Variants in PPARGC1A observed in about 807,000 individuals in gnomAD.
PPARGC1A encodes PPARG coactivator 1 alpha.
PPARGC1A carries 25 observed loss-of-function variants against 88.7 expected under a neutral mutation model. The ratio of observed to expected loss-of-function variants is 0.28; its 90% CI spans 0.21 to 0.39. The LOEUF is 0.39. Ranked by LOEUF, PPARGC1A falls within the 10% of genes least tolerant of loss-of-function variation. The pLI is 1.00. For synonymous variants in PPARGC1A, 363 were observed against 355.6 expected, an observed-to-expected ratio of 1.02 and a Z score of -0.24; for missense variants, 880 against 968.7, an observed-to-expected ratio of 0.91 and a Z score of 1.22.
the PPARGC1A span, among the ~76,000 whole-genome samples, chr4:24,027,857 T>C: frequency 1.3e-5 from 2 of 152,204 alleles, no homozygotes; most frequent in African/African-American, 2.4e-5. Context: ...CCACCCTTTT[T>C]CCACCTTGCA....
chr4:24,402,521 C>A, the PPARGC1A span, among the ~76,000 whole-genome samples: 3 of 152,108 alleles, frequency 2.0e-5, no homozygotes, highest in Non-Finnish European at 2.9e-5. Flanking sequence ...AGATGAGGAA[C>A]CTGAGAATTA....
chr4:23,848,412 C>G (rs894142839), intron 2 of PPARGC1A, among the ~76,000 whole-genome samples: 2 of 152,118 alleles, frequency 1.3e-5, no homozygotes, highest in African/African-American at 4.8e-5. Context: ...TAACCCTCTC[C>G]CAGAGTCCTC....
At chr4:24,186,828 AAAAAAATT>A in the PPARGC1A span, among the ~76,000 whole-genome samples, 3 of 152,098 alleles carry the variant, frequency 2.0e-5, no homozygotes, top group African/African-American at 7.2e-5. Flanking sequence ...AAATGAAAAT[AAAAAAATT>A]AAAAAATTAA....
the PPARGC1A span, among the ~76,000 whole-genome samples, chr4:23,951,071 G>A: frequency 9.9e-5 from 15 of 152,038 alleles, 1 homozygote; most frequent in Admixed American, 2.0e-4. Flanking sequence ...TTTGCTACAT[G>A]CCAGAGCCTG....
chr4:23,931,427 G>T, the PPARGC1A span, among the ~76,000 whole-genome samples: 1 of 151,758 alleles, frequency 6.6e-6, no homozygotes, highest in Non-Finnish European at 1.5e-5. Context: ...CTGTATCCCC[G>T]CCCTGACTTT....
chr4:23,829,647 A>G (rs1364522627), intron 3 of PPARGC1A, 62 bp from the exon 4 acceptor site: 5 of 1,478,638 alleles, frequency 3.4e-6, no homozygotes, highest in Non-Finnish European at 4.6e-6. Flanking sequence ...AAGCATTGGA[A>G]TAAGTTATTG....
chr4:23,994,492 G>A, the PPARGC1A span, among the ~76,000 whole-genome samples: 1 of 152,130 alleles, frequency 6.6e-6, no homozygotes, highest in Non-Finnish European at 1.5e-5. Context: ...TGCATATTGG[G>A]CAGAGAAGGG....
At chr4:24,213,769 G>T in the PPARGC1A span, among the ~76,000 whole-genome samples, 430 of 152,322 alleles carry the variant, frequency 2.8e-3, 1 homozygote, top group Admixed American at 5.7e-3. Context: ...AAAAGGAAAA[G>T]ATTTCTCTGC....
At chr4:24,202,990 G>A in the PPARGC1A span, among the ~76,000 whole-genome samples, 9 of 152,240 alleles carry the variant, frequency 5.9e-5, no homozygotes, top group South Asian at 6.2e-4. Context: ...TCTGCCACTC[G>A]CCAGAAAGAG....
the PPARGC1A span, among the ~76,000 whole-genome samples, chr4:24,319,294 G>T: frequency 6.6e-6 from 1 of 152,150 alleles, no homozygotes; most frequent in African/African-American, 2.4e-5. Context: ...ATGAGCCATG[G>T]TTATACAATT....
At chr4:23,951,802 C>T in the PPARGC1A span, among the ~76,000 whole-genome samples, 1 of 152,116 alleles carries the variant, frequency 6.6e-6, no homozygotes, top group African/African-American at 2.4e-5. Context: ...CTCTGCCCTA[C>T]CAGAAAAGCG....
At chr4:23,993,495 T>C in the PPARGC1A span, among the ~76,000 whole-genome samples, 1 of 152,194 alleles carries the variant, frequency 6.6e-6, no homozygotes, top group Non-Finnish European at 1.5e-5. Context: ...ATATTTTCAA[T>C]AGTGTGTTTG....
At chr4:24,277,275 C>T in the PPARGC1A span, among the ~76,000 whole-genome samples, 5 of 152,206 alleles carry the variant, frequency 3.3e-5, no homozygotes, top group South Asian at 2.1e-4. Flanking sequence ...GACGGGGTTT[C>T]GCCATGTTGC....
At chr4:24,012,982 C>T in the PPARGC1A span, among the ~76,000 whole-genome samples, 1 of 151,998 alleles carries the variant, frequency 6.6e-6, no homozygotes, top group East Asian at 1.9e-4. Context: ...ATTTATTCTC[C>T]CACATTTTTG....
At chr4:24,339,650 C>T in the PPARGC1A span, among the ~76,000 whole-genome samples, 1 of 152,222 alleles carries the variant, frequency 6.6e-6, no homozygotes, top group African/African-American at 2.4e-5. Context: ...TCATCACAGC[C>T]AATGGCGCTC....
the PPARGC1A span, among the ~76,000 whole-genome samples, chr4:24,429,864 T>C: frequency 1.3e-5 from 2 of 152,054 alleles, no homozygotes; most frequent in Admixed American, 6.5e-5. Context: ...TTGGTCAGGC[T>C]GGTCTCAAAC....
At chr4:24,221,959 T>C in the PPARGC1A span, among the ~76,000 whole-genome samples, 4 of 152,136 alleles carry the variant, frequency 2.6e-5, no homozygotes, top group Admixed American at 6.5e-5. Context: ...ATTTGGAATG[T>C]TAATTTTAGC....
chr4:24,414,845 A>G, the PPARGC1A span, among the ~76,000 whole-genome samples: 3 of 152,176 alleles, frequency 2.0e-5, no homozygotes, highest in Admixed American at 2.0e-4. Context: ...GAATGCTGAC[A>G]TGATGGCTAG....
At chr4:23,841,005 A>G (rs768609102) in intron 2 of PPARGC1A, among the ~76,000 whole-genome samples, 1 of 152,178 alleles carries the variant, frequency 6.6e-6, no homozygotes, top group Admixed American at 6.6e-5. Context: ...TAATTCTGAA[A>G]TGAACTCCTA....
Sources: allele counts gnomAD v4.1 joint callset (sites outside exome capture counted in the v4.1 genomes callset), GRCh38; gene constraint gnomAD v4.1.1; transcripts MANE v1.5; gene names NCBI Gene and HGNC (gene_info 2026-07-23, HGNC 2026-07-21).